Variants in KCNH7 observed in about 807,000 individuals in gnomAD.
KCNH7 encodes voltage-gated inwardly rectifying potassium channel KCNH7.
A neutral mutation model predicts 120.8 loss-of-function variants in KCNH7; 49 were observed. The ratio of observed to expected loss-of-function variants is 0.41; its 90% CI spans 0.32 to 0.51. KCNH7 has a LOEUF of 0.51. Among genes scored for constraint, KCNH7 ranks in the 20% least tolerant of loss-of-function variants. KCNH7 has a pLI of 0.38. For missense variants in KCNH7, 1,097 were observed against 1,446.6 expected (o/e 0.76, Z 3.92); for synonymous variants, 547 against 516.1 (o/e 1.06, Z -0.81).
At chr2:162,751,341 G>T (rs1273692592) in intron 2 of KCNH7, among the ~76,000 whole-genome samples, 2 of 152,018 alleles carry the variant, frequency 1.3e-5, no homozygotes, top group Non-Finnish European at 2.9e-5. Context: ...ATAAATTAGA[G>T]AAGTAATTTA....
At chr2:162,730,046 TA>T (rs1233852077) in intron 2 of KCNH7, among the ~76,000 whole-genome samples, 2 of 150,504 alleles carry the variant, frequency 1.3e-5, no homozygotes, top group Non-Finnish European at 3.0e-5. Context: ...AATATGTAAA[TA>T]CAACGTGTGA....
intron 2 of KCNH7, among the ~76,000 whole-genome samples, chr2:162,732,483 G>A (rs1687765237): frequency 1.3e-5 from 2 of 149,228 alleles, no homozygotes; most frequent in Non-Finnish European, 3.0e-5. Context: ...TCCAGTTACT[G>A]GTTAAAGATA....
At chr2:162,403,307 A>G (rs1687116206) in intron 9 of KCNH7, among the ~76,000 whole-genome samples, 1 of 151,936 alleles carries the variant, frequency 6.6e-6, no homozygotes, top group African/African-American at 2.4e-5. Flanking sequence ...TGTTTTGTGC[A>G]TCATTGCATC....
At chr2:162,692,812 T>G (rs552264712) in intron 2 of KCNH7, among the ~76,000 whole-genome samples, 27 of 151,968 alleles carry the variant, frequency 1.8e-4, no homozygotes, top group Non-Finnish European at 3.7e-4. Flanking sequence ...CACTTCGAAA[T>G]AAATGAAATC....
intron 2 of KCNH7, among the ~76,000 whole-genome samples, chr2:162,698,850 A>G (rs1686391534): frequency 6.6e-6 from 1 of 151,922 alleles, no homozygotes; most frequent in Non-Finnish European, 1.5e-5. Flanking sequence ...ACCTGTTATT[A>G]TTTTCTCAAG....
chr2:162,742,974 C>T (rs1202916162), intron 2 of KCNH7, among the ~76,000 whole-genome samples: 1 of 152,168 alleles, frequency 6.6e-6, no homozygotes, highest in African/African-American at 2.4e-5. Context: ...TCTTTGCTTT[C>T]AGTAACCTGA....
rs79534324 is a variant in KCNH7, at chr2:162,529,933, T to C, written c.463+6992A>G. 4.7e-3 allele frequency among the ~76,000 whole-genome samples: 713 copies of C among 152,090 alleles called. 9 individuals carry two copies. The highest frequency in any genetic ancestry group is 0.01 in the Middle Eastern group (3 of 294). ...AATTGGCTCATTTATTCAGTACTTA[T>C]CAAAATTTGATAGTAAGATTTATCA... is the stretch of plus-strand genomic sequence containing the variant. On this transcript the variant is annotated intron_variant, in intron 3 of 15. Coordinates refer to ENST00000332142, the MANE Select transcript of KCNH7 (RefSeq NM_033272.4).
intron 2 of KCNH7, among the ~76,000 whole-genome samples, chr2:162,607,102 T>C (rs888615879): frequency 6.6e-6 from 1 of 151,318 alleles, no homozygotes. Flanking sequence ...AGAGGCCAGG[T>C]GCAGTGGCTC....
intron 2 of KCNH7, among the ~76,000 whole-genome samples, chr2:162,721,546 G>A (rs1310904631): frequency 6.6e-6 from 1 of 152,030 alleles, no homozygotes; most frequent in South Asian, 2.1e-4. Flanking sequence ...TGATGTCAAC[G>A]TTCAATACGG....
rs372583850 is a variant in KCNH7, at chr2:162,527,758, T to C, written c.463+9167A>G. Among the ~76,000 whole-genome samples, 84 of 152,114 alleles carry C rather than the reference T, an allele frequency of 5.5e-4. 4 individuals are homozygous for C. In the South Asian group the frequency reaches 6.2e-3, roughly 11 times the overall value. On this transcript the variant is annotated intron_variant, in intron 3 of 15. Coordinates refer to ENST00000332142, the MANE Select transcript of KCNH7 (RefSeq NM_033272.4). ...GTAATTTTAATCTTTTCAAAGATAA[T>C]GGATATCCTTTAATCCTTAATAAGA...
intron 2 of KCNH7, among the ~76,000 whole-genome samples, chr2:162,744,596 G>C: frequency 7.4e-6 from 1 of 135,370 alleles, no homozygotes; most frequent in Non-Finnish European, 1.6e-5. Flanking sequence ...TTTTTGATAC[G>C]GAGTCTCGCT....
At chr2:162,582,261 G>A (rs1184966177) in intron 2 of KCNH7, among the ~76,000 whole-genome samples, 1 of 152,000 alleles carries the variant, frequency 6.6e-6, no homozygotes, top group Admixed American at 6.6e-5. Context: ...AATCACAACC[G>A]GCTATTCTTT....
At chr2:162,686,671 C>T (rs755321918) in intron 2 of KCNH7, among the ~76,000 whole-genome samples, 5 of 152,078 alleles carry the variant, frequency 3.3e-5, no homozygotes, top group Non-Finnish European at 7.4e-5. Flanking sequence ...TACTTGTCTC[C>T]TTCGAAATGT....
chr2:162,646,877 C>A (rs1559062125), intron 2 of KCNH7, among the ~76,000 whole-genome samples: 1 of 152,184 alleles, frequency 6.6e-6, no homozygotes, highest in Non-Finnish European at 1.5e-5. Flanking sequence ...TTGATTTTAG[C>A]CTTGTGAACT....
At chr2:162,615,867 C>A (rs558931626) in intron 2 of KCNH7, among the ~76,000 whole-genome samples, 1 of 152,144 alleles carries the variant, frequency 6.6e-6, no homozygotes, top group South Asian at 2.1e-4. Flanking sequence ...TCTCTAAATA[C>A]ACTGGCAAGA....
At chr2:162,623,899 T>G (rs1446884048) in intron 2 of KCNH7, among the ~76,000 whole-genome samples, 1 of 152,180 alleles carries the variant, frequency 6.6e-6, no homozygotes, top group Non-Finnish European at 1.5e-5. Flanking sequence ...CCTCAGTTTA[T>G]TACCTGCAGT....
intron 11 of KCNH7, among the ~76,000 whole-genome samples, chr2:162,395,457 C>T (rs1341219203): frequency 6.6e-6 from 1 of 151,664 alleles, no homozygotes; most frequent in Non-Finnish European, 1.5e-5. Context: ...TCCTTCTTCC[C>T]TCTCTGGTTC....
intron 7 of KCNH7, among the ~76,000 whole-genome samples, chr2:162,441,334 C>T (rs1688409069): frequency 6.6e-6 from 1 of 152,144 alleles, no homozygotes; most frequent in African/African-American, 2.4e-5. Flanking sequence ...TAGATACCTG[C>T]TAATGTTTTC....
intron 3 of KCNH7, among the ~76,000 whole-genome samples, chr2:162,524,207 T>C (rs938204354): frequency 6.6e-6 from 1 of 152,034 alleles, no homozygotes; most frequent in African/African-American, 2.4e-5. Context: ...AGCTGAAGCA[T>C]CGGCCAGTCC....
Sources: gnomAD v4.1 joint callset for allele counts (sites outside exome capture counted in the v4.1 genomes callset) on GRCh38, gnomAD v4.1.1 for gene constraint, MANE v1.5 for transcripts, NCBI Gene and HGNC (gene_info 2026-07-23, HGNC 2026-07-21) for gene names.